CTTNBP2: variants seen among roughly 807,000 people sequenced by gnomAD.
The protein encoded by CTTNBP2 is cortactin-binding protein 2.
A neutral mutation model predicts 156.9 loss-of-function variants in CTTNBP2; 108 were observed. The ratio of observed to expected loss-of-function variants is 0.69; its 90% confidence interval spans 0.59 to 0.81. The LOEUF is 0.81. Ranked by LOEUF, CTTNBP2 falls within the 30% of genes least tolerant of loss-of-function variation. The pLI is 0.00. For missense variants in CTTNBP2, 1,924 were observed against 2,035.4 expected, an observed-to-expected ratio of 0.95 and a Z score of 1.05; for synonymous variants, 767 against 751.8, an observed-to-expected ratio of 1.02 and a Z score of -0.33.
chr7:117,803,305 A>G (rs1407726641), intron 3 of CTTNBP2, among the ~76,000 whole-genome samples: 2 of 152,180 alleles, frequency 1.3e-5, no homozygotes, highest in African/African-American at 4.8e-5. Flanking sequence ...AAAACCAAAT[A>G]CCACAAGTTC....
At position 117,773,494 on chromosome 7, in the gene CTTNBP2, T is replaced by C. The variant is rs181138332; in HGVS notation, c.2778+4017A>G. ...GAGATGACCTCCAGGATGCTGGAGA[T>C]GAATGTCTGGAGGACAAGTAAAAAG... is the stretch of plus-strand genomic sequence containing the variant. On this transcript the variant is annotated intron_variant, in intron 8 of 22. Coordinates refer to ENST00000160373, the MANE Select transcript of CTTNBP2 (RefSeq NM_033427.3). 4.8e-3 allele frequency among the ~76,000 whole-genome samples: 729 copies of C among 152,094 alleles called. 2 individuals are homozygous for C. The highest frequency in any genetic ancestry group is 8.5e-3 in the Admixed American group (129 of 15,262).
chr7:117,837,260 T>C (rs1802013281), intron 2 of CTTNBP2, among the ~76,000 whole-genome samples: 1 of 152,230 alleles, frequency 6.6e-6, no homozygotes, highest in South Asian at 2.1e-4. Context: ...TGCCAGACTA[T>C]TGTAACAACA....
chr7:117,793,655 C>T (rs1248825754), intron 3 of CTTNBP2: 2 of 152,346 alleles, frequency 1.3e-5, no homozygotes, highest in South Asian at 2.1e-4. Context: ...CCCTACTCAC[C>T]CAGCTGCCTG....
chr7:117,733,358 T>A (rs1396970876), intron 16 of CTTNBP2, among the ~76,000 whole-genome samples: 2 of 152,200 alleles, frequency 1.3e-5, no homozygotes, highest in African/African-American at 4.8e-5. Context: ...AGCTTGGAAC[T>A]TTCCTTTCAA....
chr7:117,869,263 A>G (rs1270334935), intron 1 of CTTNBP2, among the ~76,000 whole-genome samples: 2 of 152,246 alleles, frequency 1.3e-5, no homozygotes, highest in African/African-American at 4.8e-5. Flanking sequence ...TATAATATCT[A>G]TAACATTAAT....
intron 1 of CTTNBP2, chr7:117,871,994 G>A (rs1268704844): frequency 3.0e-6 from 3 of 984,458 alleles, no homozygotes; most frequent in Non-Finnish European, 3.6e-6. Context: ...GCCCCACAGA[G>A]GGGAGCTGAT....
At chr7:117,715,700 G>A (rs1794314410) in intron 22 of CTTNBP2, 1 of 152,186 alleles carries the variant, frequency 6.6e-6, no homozygotes, top group African/African-American at 2.4e-5. Flanking sequence ...TTAGAGCAGT[G>A]AGGAGTTATA....
chr7:117,873,071 G>A (rs1303822574), intron 1 of CTTNBP2, among the ~76,000 whole-genome samples: 1 of 152,194 alleles, frequency 6.6e-6, no homozygotes, highest in African/African-American at 2.4e-5. Flanking sequence ...ACAGGGAGCT[G>A]GGAGAACCGG....
chr7:117,845,057 G>A (rs1802504408), intron 2 of CTTNBP2, among the ~76,000 whole-genome samples: 2 of 152,182 alleles, frequency 1.3e-5, no homozygotes, highest in Non-Finnish European at 2.9e-5. Context: ...AGGGCAGTCA[G>A]CAAGGTTGGA....
chr7:117,842,623 A>C (rs1304845425), intron 2 of CTTNBP2, among the ~76,000 whole-genome samples: 1 of 152,226 alleles, frequency 6.6e-6, no homozygotes, highest in Non-Finnish European at 1.5e-5. Flanking sequence ...ATGTGTAAAA[A>C]GTGTCCTCCT....
At chr7:117,767,020 T>C (rs772745935) in intron 9 of CTTNBP2, 39 bp downstream of exon 9, 5 of 1,096,282 alleles carry the variant, frequency 4.6e-6, no homozygotes, top group Non-Finnish European at 7.1e-6. Context: ...CCCAGCAGCA[T>C]AGGGGAAAGA....
At chr7:117,833,835 C>A (rs1801767397) in intron 2 of CTTNBP2, among the ~76,000 whole-genome samples, 1 of 152,128 alleles carries the variant, frequency 6.6e-6, no homozygotes, top group Non-Finnish European at 1.5e-5. Context: ...TTGCTAATGC[C>A]AGTATTGAGT....
chr7:117,741,481 T>A (rs1424176833), intron 14 of CTTNBP2, among the ~76,000 whole-genome samples: 1 of 147,342 alleles, frequency 6.8e-6, no homozygotes, highest in African/African-American at 2.4e-5. Flanking sequence ...CTGCTTACAA[T>A]CATTTGCAAT....
At chr7:117,761,558 C>T (rs1248343295) in intron 9 of CTTNBP2, among the ~76,000 whole-genome samples, 2 of 151,982 alleles carry the variant, frequency 1.3e-5, no homozygotes, top group African/African-American at 2.4e-5. Flanking sequence ...GTTACTGTTC[C>T]TATGAAAACT....
chr7:117,776,173 A>G (rs1798090617), intron 8 of CTTNBP2, among the ~76,000 whole-genome samples: 2 of 152,030 alleles, frequency 1.3e-5, no homozygotes, highest in South Asian at 4.1e-4. Flanking sequence ...TGGGAATGTC[A>G]CTATTATCTT....
At chr7:117,783,180 C>T (rs1563002175) in intron 5 of CTTNBP2, among the ~76,000 whole-genome samples, 1 of 151,548 alleles carries the variant, frequency 6.6e-6, no homozygotes, top group South Asian at 2.1e-4. Flanking sequence ...CACTAAGATG[C>T]GTGTGTGTGT....
intron 17 of CTTNBP2, 127 bp downstream of exon 17, chr7:117,727,962 A>C: frequency 1.3e-6 from 1 of 790,248 alleles, no homozygotes; most frequent in Non-Finnish European, 2.1e-6. Context: ...AAGAGCAGAG[A>C]GCACTGGCAC....
At chr7:117,857,165 C>CT (rs1341656317) in intron 2 of CTTNBP2, among the ~76,000 whole-genome samples, 2 of 152,174 alleles carry the variant, frequency 1.3e-5, no homozygotes, top group African/African-American at 2.4e-5. Context: ...TTTATTCCTA[C>CT]TCTATGTGAA....
intron 8 of CTTNBP2, among the ~76,000 whole-genome samples, chr7:117,773,682 CACACACACACACACACACACA>C (rs1797921308): frequency 6.6e-6 from 1 of 150,514 alleles, no homozygotes; most frequent in Non-Finnish European, 1.5e-5. Flanking sequence ...CACACACACA[CACACACACACACACACACACA>C]CACACCCCAA....
Sources: allele counts gnomAD v4.1 joint callset (sites outside exome capture counted in the v4.1 genomes callset), GRCh38; gene constraint gnomAD v4.1.1; transcripts MANE v1.5; gene names NCBI Gene and HGNC (gene_info 2026-07-23, HGNC 2026-07-21).